MAGI2: variants seen among roughly 807,000 people sequenced by gnomAD.
MAGI2 encodes the protein membrane-associated guanylate kinase, WW and PDZ domain-containing protein 2.
Under a neutral mutation model 133.3 loss-of-function variants are expected in MAGI2, and 35 were observed. The observed-to-expected ratio is 0.26, with a 90% CI of 0.20 to 0.35. MAGI2 has a LOEUF of 0.35. MAGI2 is among the 10% of genes least tolerant of loss of function. The pLI is 1.00. For synonymous variants in MAGI2, 729 were observed against 710.6 expected (o/e 1.03, Z -0.41); for missense variants, 1,636 against 1,863.4 (o/e 0.88, Z 2.25).
chr7:79,068,846 A>AC (rs1390723669), intron 1 of MAGI2, among the ~76,000 whole-genome samples: 1 of 152,172 alleles, frequency 6.6e-6, no homozygotes, highest in African/African-American at 2.4e-5. Flanking sequence ...TTCGTTATTT[A>AC]CCCAGTAGTT....
chr7:78,700,976 G>T (rs983004047), intron 2 of MAGI2, among the ~76,000 whole-genome samples: 1 of 150,116 alleles, frequency 6.7e-6, no homozygotes, highest in Non-Finnish European at 1.5e-5. Context: ...ATATATGAAA[G>T]TATATTATAA....
intron 20 of MAGI2, among the ~76,000 whole-genome samples, chr7:78,109,671 A>C (rs1304510572): frequency 6.6e-6 from 1 of 152,156 alleles, no homozygotes; most frequent in Non-Finnish European, 1.5e-5. Context: ...ACCTAGTTAG[A>C]TCTTATCCTG....
chr7:78,183,733 C>T (rs955564820), intron 13 of MAGI2, among the ~76,000 whole-genome samples: 9 of 152,200 alleles, frequency 5.9e-5, no homozygotes, highest in Non-Finnish European at 1.0e-4. Context: ...CAGCGCCCAG[C>T]TGTTTAAATT....
At chr7:78,449,269 G>A (rs908863114) in intron 6 of MAGI2, among the ~76,000 whole-genome samples, 7 of 152,064 alleles carry the variant, frequency 4.6e-5, no homozygotes, top group African/African-American at 1.7e-4. Flanking sequence ...CAGAAGAGCC[G>A]TATTTCTTGA....
At chr7:78,723,947 C>T (rs918790884) in intron 2 of MAGI2, among the ~76,000 whole-genome samples, 1 of 152,008 alleles carries the variant, frequency 6.6e-6, no homozygotes, top group African/African-American at 2.4e-5. Context: ...CATTTGATTG[C>T]CTGGAGAAAG....
At chr7:78,751,478 A>T (rs941866115) in intron 2 of MAGI2, among the ~76,000 whole-genome samples, 3 of 152,204 alleles carry the variant, frequency 2.0e-5, no homozygotes, top group African/African-American at 7.2e-5. Context: ...TGGCCCTCTC[A>T]AGCTTCCAAA....
intron 9 of MAGI2, among the ~76,000 whole-genome samples, chr7:78,326,163 T>C (rs146211934): frequency 1.6e-3 from 249 of 152,316 alleles, no homozygotes; most frequent in African/African-American, 5.4e-3. Context: ...TAAGAAGAGA[T>C]TGTACCTGAC....
intron 16 of MAGI2, among the ~76,000 whole-genome samples, chr7:78,155,550 G>T (rs530560571): frequency 1.1e-4 from 16 of 152,168 alleles, no homozygotes; most frequent in Non-Finnish European, 2.2e-4. Context: ...GGAGGTGAAG[G>T]TTGCAGTGAG....
At chr7:78,391,134 G>C (rs2151315437) in intron 6 of MAGI2, among the ~76,000 whole-genome samples, 1 of 152,212 alleles carries the variant, frequency 6.6e-6, no homozygotes, top group Non-Finnish European at 1.5e-5. Flanking sequence ...GAATACCCCA[G>C]AACTCTGAAA....
intron 2 of MAGI2, among the ~76,000 whole-genome samples, chr7:78,745,058 A>G (rs1297752939): frequency 6.6e-6 from 1 of 152,180 alleles, no homozygotes; most frequent in Non-Finnish European, 1.5e-5. Context: ...CATTTTACCC[A>G]AGAAAACAAA....
chr7:78,340,641 G>C (rs920970771), intron 9 of MAGI2, among the ~76,000 whole-genome samples: 6 of 152,130 alleles, frequency 3.9e-5, no homozygotes, highest in African/African-American at 1.4e-4. Context: ...GGGATGCAAG[G>C]CTGGTTCAAC....
intron 1 of MAGI2, among the ~76,000 whole-genome samples, chr7:79,404,013 T>G (rs2129165375): frequency 6.6e-6 from 1 of 152,278 alleles, no homozygotes; most frequent in South Asian, 2.1e-4. Context: ...AAGGCTCTAC[T>G]TAACTCTCCT....
At chr7:78,329,548 C>A (rs534843548) in intron 9 of MAGI2, among the ~76,000 whole-genome samples, 1 of 152,258 alleles carries the variant, frequency 6.6e-6, no homozygotes, top group Admixed American at 6.5e-5. Context: ...GGAATATGCA[C>A]CAATATCCTA....
At chr7:79,068,302 G>C (rs898294699) in intron 1 of MAGI2, among the ~76,000 whole-genome samples, 9 of 152,128 alleles carry the variant, frequency 5.9e-5, no homozygotes, top group African/African-American at 2.2e-4. Flanking sequence ...GGTCTATTCA[G>C]GGATTCAACG....
At chr7:79,421,646 A>G (rs1322786668) in intron 1 of MAGI2, among the ~76,000 whole-genome samples, 1 of 151,872 alleles carries the variant, frequency 6.6e-6, no homozygotes, top group Non-Finnish European at 1.5e-5. Context: ...TCTCATTGCA[A>G]TACAGCTACC....
intron 2 of MAGI2, among the ~76,000 whole-genome samples, chr7:78,946,315 A>G (rs956188877): frequency 6.6e-6 from 1 of 152,220 alleles, no homozygotes; most frequent in East Asian, 1.9e-4. Context: ...TTGTCATTAC[A>G]TCAACCAATG....
chr7:78,815,147 A>G (rs1789452137), intron 2 of MAGI2, among the ~76,000 whole-genome samples: 1 of 152,170 alleles, frequency 6.6e-6, no homozygotes, highest in African/African-American at 2.4e-5. Context: ...GCATGAAAAA[A>G]GCTGTAAGTA....
intron 2 of MAGI2, among the ~76,000 whole-genome samples, chr7:78,959,098 T>C (rs1802641086): frequency 6.6e-6 from 1 of 152,124 alleles, no homozygotes; most frequent in Non-Finnish European, 1.5e-5. Context: ...TGGAATCCTC[T>C]TTTTTATTTT....
chr7:79,439,425 A>G (rs996218531), intron 1 of MAGI2, among the ~76,000 whole-genome samples: 41 of 151,686 alleles, frequency 2.7e-4, no homozygotes, highest in African/African-American at 9.2e-4. Flanking sequence ...CTCAAATCCA[A>G]TTAAGTCTTC....
Sources: allele counts gnomAD v4.1 joint callset (sites outside exome capture counted in the v4.1 genomes callset), GRCh38; gene constraint gnomAD v4.1.1; transcripts MANE v1.5; gene names NCBI Gene and HGNC (gene_info 2026-07-23, HGNC 2026-07-21).